Variants in HAPSTR1 observed in about 807,000 individuals in gnomAD.
HAPSTR1 encodes the protein HUWE1 associated protein modifying stress responses, also known as HUWE1-associated protein modifying stress responses 1.
the HAPSTR1 span, chr16:9,106,674 A>G: frequency 1.3e-5 from 2 of 152,036 alleles, no homozygotes; most frequent in African/African-American, 2.4e-5. Flanking sequence ...TGTTCGCAAC[A>G]TGTTGCTTTT....
chr16:9,097,058 G>A, the HAPSTR1 span, among the ~76,000 whole-genome samples: 1 of 151,228 alleles, frequency 6.6e-6, no homozygotes, highest in South Asian at 2.2e-4. Flanking sequence ...TCCTGCCTCA[G>A]CCTCCCCAGT....
the HAPSTR1 span, chr16:9,113,192 T>C: frequency 6.6e-6 from 1 of 152,318 alleles, no homozygotes; most frequent in South Asian, 2.1e-4. Context: ...CATTTTTTGG[T>C]TGTTAATCTT....
the HAPSTR1 span, chr16:9,108,613 T>G: frequency 6.6e-6 from 1 of 152,216 alleles, no homozygotes; most frequent in African/African-American, 2.4e-5. Context: ...GCTTTTCTTC[T>G]CAAAATTAAT....
the HAPSTR1 span, among the ~76,000 whole-genome samples, chr16:9,095,836 C>G: frequency 7.2e-5 from 11 of 152,242 alleles, no homozygotes; most frequent in East Asian, 1.3e-3. Flanking sequence ...ATAGTAGGGT[C>G]AGACTTGTCT....
At chr16:9,105,771 A>G in the HAPSTR1 span, 1 of 152,248 alleles carries the variant, frequency 6.6e-6, no homozygotes, top group Non-Finnish European at 1.5e-5. Flanking sequence ...GGGTGAGTCT[A>G]AATTCATGCG....
chr16:9,117,013 A>G, the HAPSTR1 span: 4 of 1,493,776 alleles, frequency 2.7e-6, no homozygotes, highest in Non-Finnish European at 3.6e-6. Context: ...TCCCTTGTTC[A>G]CTGTTTAAGA....
the HAPSTR1 span, among the ~76,000 whole-genome samples, chr16:9,092,438 C>G: frequency 1.3e-5 from 2 of 151,992 alleles, no homozygotes; most frequent in African/African-American, 4.8e-5. Flanking sequence ...GATGGCGCCG[C>G]GGGAGGGAGG....
At chr16:9,106,647 T>C in the HAPSTR1 span, 1 of 152,024 alleles carries the variant, frequency 6.6e-6, no homozygotes, top group African/African-American at 2.4e-5. Context: ...ACTAATTCAG[T>C]GCTTTATTTT....
At chr16:9,092,890 TGG>T in the HAPSTR1 span, 1 of 1,528,426 alleles carries the variant, frequency 6.5e-7, no homozygotes, top group Non-Finnish European at 8.9e-7. Flanking sequence ...TTTTTCTTTT[TGG>T]TTTTTTTTTT....
chr16:9,112,290 C>G, the HAPSTR1 span: 4 of 152,226 alleles, frequency 2.6e-5, no homozygotes, highest in African/African-American at 9.6e-5. Context: ...TAGTGCAATT[C>G]ATTTCCAATG....
At chr16:9,092,748 C>T in the HAPSTR1 span, among the ~76,000 whole-genome samples, 1 of 152,218 alleles carries the variant, frequency 6.6e-6, no homozygotes, top group South Asian at 2.1e-4. Flanking sequence ...CCCTGCCCCC[C>T]CGGTCCTCAC....
chr16:9,120,210 A>G, the HAPSTR1 span: 1 of 152,196 alleles, frequency 6.6e-6, no homozygotes, highest in South Asian at 2.1e-4. Flanking sequence ...AGTGACTAGA[A>G]AGGTTCTTCC....
At chr16:9,095,848 C>T in the HAPSTR1 span, among the ~76,000 whole-genome samples, 1 of 151,774 alleles carries the variant, frequency 6.6e-6, no homozygotes, top group Non-Finnish European at 1.5e-5. Context: ...GACTTGTCTT[C>T]CCCTTTCCAA....
the HAPSTR1 span, chr16:9,109,559 GTCTC>G: frequency 2.0e-5 from 3 of 152,174 alleles, no homozygotes; most frequent in East Asian, 5.8e-4. Context: ...GGCCTGAGTT[GTCTC>G]TCTGTAAAGT....
the HAPSTR1 span, chr16:9,118,631 T>C: frequency 2.6e-5 from 4 of 152,418 alleles, no homozygotes; most frequent in African/African-American, 4.8e-5. Flanking sequence ...GGAAGAATTA[T>C]AGCAATCTGT....
At chr16:9,105,805 A>G in the HAPSTR1 span, 2 of 152,244 alleles carry the variant, frequency 1.3e-5, no homozygotes, top group African/African-American at 2.4e-5. Context: ...AGGACATGGG[A>G]AAAGAATCTG....
chr16:9,095,437 ATAATT>A, the HAPSTR1 span, among the ~76,000 whole-genome samples: 3 of 152,184 alleles, frequency 2.0e-5, no homozygotes, highest in African/African-American at 7.2e-5. Context: ...ATATTTAAAT[ATAATT>A]TAAGGGGGGA....
the HAPSTR1 span, among the ~76,000 whole-genome samples, chr16:9,092,434 G>A: frequency 3.3e-5 from 5 of 151,962 alleles, no homozygotes; most frequent in Non-Finnish European, 7.4e-5. Context: ...GCAAGATGGC[G>A]CCGCGGGAGG....
At chr16:9,099,528 GT>G in the HAPSTR1 span, among the ~76,000 whole-genome samples, 1 of 152,188 alleles carries the variant, frequency 6.6e-6, no homozygotes, top group Non-Finnish European at 1.5e-5. Flanking sequence ...AAATGAATGT[GT>G]TGTGGTTAAA....
Sources: allele counts gnomAD v4.1 joint callset (sites outside exome capture counted in the v4.1 genomes callset), GRCh38; gene constraint gnomAD v4.1.1; transcripts MANE v1.5; gene names NCBI Gene and HGNC (gene_info 2026-07-23, HGNC 2026-07-21).